PRR16: variants seen among roughly 807,000 people sequenced by gnomAD.
PRR16 encodes the protein proline rich 16, also known as protein Largen.
In PRR16, 6 loss-of-function variants were observed where a neutral mutation model predicts 18.2. The observed-to-expected ratio is 0.33, with a 90% CI of 0.18 to 0.65. The LOEUF (loss-of-function observed/expected upper bound fraction) is 0.65, where lower values mean the gene tolerates loss of function less well. PRR16 is among the 30% of genes least tolerant of loss of function. PRR16 has a pLI of 0.74. For missense variants in PRR16, 412 were observed against 376.6 expected, an observed-to-expected ratio of 1.09 and a Z score of -0.78; for synonymous variants, 151 against 147.8, an observed-to-expected ratio of 1.02 and a Z score of -0.16.
chr5:120,622,960 T>C (rs1050526870), intron 1 of PRR16, among the ~76,000 whole-genome samples: 2 of 152,184 alleles, frequency 1.3e-5, no homozygotes, highest in African/African-American at 4.8e-5. Context: ...TGTAATTTTC[T>C]ACTTATAAAC....
intron 1 of PRR16, among the ~76,000 whole-genome samples, chr5:120,504,974 T>G (rs1459667249): frequency 6.6e-6 from 1 of 152,264 alleles, no homozygotes; most frequent in Admixed American, 6.5e-5. Context: ...GCAAGAATAC[T>G]TTTATTGTAG....
chr5:120,766,385 T>G, the PRR16 span, among the ~76,000 whole-genome samples: 1 of 151,972 alleles, frequency 6.6e-6, no homozygotes, highest in Admixed American at 6.6e-5. Context: ...CTATTGGCCA[T>G]TTGGATTTCA....
chr5:120,608,300 A>G (rs1754222407), intron 1 of PRR16, among the ~76,000 whole-genome samples: 1 of 152,174 alleles, frequency 6.6e-6, no homozygotes, highest in Non-Finnish European at 1.5e-5. Flanking sequence ...AAGTAAAAAG[A>G]GTGTGCTACT....
At chr5:120,760,783 T>A in the PRR16 span, among the ~76,000 whole-genome samples, 1 of 152,142 alleles carries the variant, frequency 6.6e-6, no homozygotes, top group South Asian at 2.1e-4. Context: ...CCAGCTTGCC[T>A]CCCTCAGTTA....
chr5:120,464,374 C>T lies in PRR16; in HGVS notation c.-113C>T. ...GCCACTCGCCGCTGCCCAGGGAGCG[C>T]CCAAGATGTGGGGGGACCGGGGCGG... On this transcript the variant is annotated 5_prime_UTR_variant, in exon 1 of 2. Coordinates refer to ENST00000407149, the MANE Select transcript of PRR16 (RefSeq NM_001300783.2). The T allele has an allele frequency of 2.4e-6, 3 of 1,254,166 alleles. No homozygotes were observed. The highest frequency in any genetic ancestry group is 3.2e-6 in the Non-Finnish European group (3 of 947,846). The allele number at this position is 1,254,166 out of a possible 1,614,324, so 77.7% of individuals were successfully genotyped here.
intron 1 of PRR16, among the ~76,000 whole-genome samples, chr5:120,635,120 A>G (rs1467319262): frequency 6.6e-6 from 1 of 152,120 alleles, no homozygotes; most frequent in Non-Finnish European, 1.5e-5. Flanking sequence ...TGAAATGGTA[A>G]TTAAAAATTT....
intron 1 of PRR16, among the ~76,000 whole-genome samples, chr5:120,542,119 G>T (rs1357494718): frequency 6.6e-6 from 1 of 151,954 alleles, no homozygotes; most frequent in African/African-American, 2.4e-5. Flanking sequence ...ATTTCTCAGG[G>T]GCACTGTAAT....
chr5:120,480,578 A>T (rs1226882167), intron 1 of PRR16, among the ~76,000 whole-genome samples: 1 of 152,204 alleles, frequency 6.6e-6, no homozygotes, highest in Non-Finnish European at 1.5e-5. Flanking sequence ...CCTGTACTAT[A>T]CAGATTAGCT....
At chr5:120,481,988 A>G (rs1580624748) in intron 1 of PRR16, among the ~76,000 whole-genome samples, 1 of 152,146 alleles carries the variant, frequency 6.6e-6, no homozygotes, top group Admixed American at 6.6e-5. Context: ...GTGTCTTTAA[A>G]TGAAATTTAG....
At chr5:120,464,676 G>C in intron 1 of PRR16, 31 bp downstream of exon 1, 2 of 1,522,424 alleles carry the variant, frequency 1.3e-6, no homozygotes, top group South Asian at 1.2e-5. Context: ...GAGGGAGTTC[G>C]GCACCCTTCG....
intron 1 of PRR16, among the ~76,000 whole-genome samples, chr5:120,548,356 C>T (rs1285987290): frequency 6.6e-6 from 1 of 152,056 alleles, no homozygotes; most frequent in East Asian, 1.9e-4. Flanking sequence ...TACACTTATA[C>T]AAGTCTCTCC....
intron 1 of PRR16, among the ~76,000 whole-genome samples, chr5:120,594,095 AT>A (rs1753726555): frequency 6.6e-6 from 1 of 152,170 alleles, no homozygotes; most frequent in South Asian, 2.1e-4. Flanking sequence ...CTGGCACAAG[AT>A]AAGGATGCCC....
At chr5:120,711,823 T>G in the PRR16 span, among the ~76,000 whole-genome samples, 5 of 152,154 alleles carry the variant, frequency 3.3e-5, no homozygotes, top group Non-Finnish European at 1.5e-5. Context: ...ATCAGATAAC[T>G]TACACTTCTC....
chr5:120,754,401 T>TTATACTATATAGTATATATTATATAATG, the PRR16 span, among the ~76,000 whole-genome samples: 2 of 67,212 alleles, frequency 3.0e-5, 1 homozygote, highest in African/African-American at 1.3e-4. Flanking sequence ...ATGTTATATA[T>TTATACTATATAGTATATATTATATAATG]TATACTATAT....
chr5:120,642,374 TGTG>T (rs1755451143), intron 1 of PRR16, among the ~76,000 whole-genome samples: 1 of 152,204 alleles, frequency 6.6e-6, no homozygotes, highest in Non-Finnish European at 1.5e-5. Flanking sequence ...AAGTTTAATC[TGTG>T]GTACAGAGAT....
chr5:120,576,988 T>A (rs1219198900), intron 1 of PRR16, among the ~76,000 whole-genome samples: 1 of 152,136 alleles, frequency 6.6e-6, no homozygotes. Context: ...CATCCATTTG[T>A]TCTATTTCTC....
the PRR16 span, among the ~76,000 whole-genome samples, chr5:120,724,829 C>T: frequency 1.3e-5 from 2 of 151,972 alleles, no homozygotes; most frequent in Non-Finnish European, 2.9e-5. Context: ...GAGTCTACCA[C>T]ATACCAGGCA....
At chr5:120,465,940 C>T (rs1387722916) in intron 1 of PRR16, among the ~76,000 whole-genome samples, 1 of 152,174 alleles carries the variant, frequency 6.6e-6, no homozygotes, top group African/African-American at 2.4e-5. Context: ...GTCTTCCTCC[C>T]CTTCCCCCGT....
At chr5:120,717,030 G>T in the PRR16 span, among the ~76,000 whole-genome samples, 1 of 152,138 alleles carries the variant, frequency 6.6e-6, no homozygotes, top group South Asian at 2.1e-4. Flanking sequence ...CATATACTCA[G>T]TGAATTTACA....
Sources: gnomAD v4.1 joint callset for allele counts (sites outside exome capture counted in the v4.1 genomes callset) on GRCh38, gnomAD v4.1.1 for gene constraint, MANE v1.5 for transcripts, NCBI Gene and HGNC (gene_info 2026-07-23, HGNC 2026-07-21) for gene names.